Variants in RCC2 observed in about 807,000 individuals in gnomAD.
RCC2 encodes the protein regulator of chromosome condensation 2, also known as protein RCC2.
In RCC2, 19 loss-of-function variants were observed where a neutral mutation model predicts 64.1. The observed-to-expected ratio is 0.30, with a 90% CI of 0.21 to 0.44. RCC2 has a LOEUF of 0.44. Among genes scored for constraint, RCC2 ranks in the 20% least tolerant of loss-of-function variants. The pLI, the probability that RCC2 is intolerant of heterozygous loss-of-function variation, is 1.00. For missense variants in RCC2, 508 were observed against 710.4 expected (o/e 0.72, Z 3.24); for synonymous variants, 325 against 279.6 (o/e 1.16, Z -1.62).
chr1:17,411,428 T>G (rs1423713925), intron 11 of RCC2, among the ~76,000 whole-genome samples: 2 of 151,994 alleles, frequency 1.3e-5, no homozygotes, highest in Non-Finnish European at 2.9e-5. Flanking sequence ...ATACAAAAAT[T>G]AGCTGGGCGT....
At chr1:17,411,070 C>CA (rs1247251897) in intron 11 of RCC2, among the ~76,000 whole-genome samples, 2 of 152,082 alleles carry the variant, frequency 1.3e-5, no homozygotes, top group African/African-American at 4.8e-5. Flanking sequence ...CTCAAGGGAC[C>CA]AAGGAACGCC....
At chr1:17,433,487 G>T (rs1203310652) in intron 2 of RCC2, among the ~76,000 whole-genome samples, 1 of 152,230 alleles carries the variant, frequency 6.6e-6, no homozygotes, top group Non-Finnish European at 1.5e-5. Context: ...CTCCCAGGCG[G>T]AATCCAGCCT....
intron 3 of RCC2, among the ~76,000 whole-genome samples, chr1:17,428,567 C>T (rs977701845): frequency 5.9e-5 from 9 of 152,214 alleles, no homozygotes; most frequent in African/African-American, 2.2e-4. Context: ...CCTGGATGGG[C>T]CTTTTCCCTT....
rs1017801050 is a variant in RCC2, at chr1:17,407,499, C to A, written c.*1591G>T. 1 of 152,452 alleles carries A rather than the reference C, an allele frequency of 6.6e-6. No homozygotes were observed. Among genetic ancestry groups the A allele is most frequent in the Non-Finnish European group, 1.5e-5 (1 of 68,058 alleles). 9.4% of individuals were successfully genotyped at this position (152,452 alleles called of 1,614,324 possible). The stretch of plus-strand genomic sequence containing the variant: ...CTGATTGAACACAGAACAAGAGATG[C>A]GCGTGGCGTCAGACTAAGTCTTAGA... On this transcript the variant is annotated 3_prime_UTR_variant, in exon 13 of 13. Coordinates refer to ENST00000375436, the MANE Select transcript of RCC2 (RefSeq NM_018715.4).
intron 12 of RCC2, 42 bp from the exon 13 acceptor site, chr1:17,409,236 G>T: frequency 7.8e-7 from 1 of 1,276,878 alleles, no homozygotes; most frequent in Non-Finnish European, 1.1e-6. Flanking sequence ...GAGGCGCCTG[G>T]ACTAATCAAT....
In RCC2 at chr1:17,408,688, G is replaced by A. The variant is rs553789867; in HGVS notation, c.*402C>T. On this transcript the variant is annotated 3_prime_UTR_variant, in exon 13 of 13. Transcript: ENST00000375436. The stretch of plus-strand genomic sequence containing the variant: ...GGGACATTTTTTCTGAGTAAATGGC[G>A]ATTCCTCTTCCATGTGGCATCTGCT... 3 of 168,512 alleles carry A rather than the reference G, an allele frequency of 1.8e-5. No individual in the cohort carries two copies. In the East Asian group the frequency reaches 5.0e-4, roughly 28 times the overall value. The allele number at this position is 168,512 out of a possible 1,614,324, so 10.4% of individuals were successfully genotyped here.
intron 11 of RCC2, among the ~76,000 whole-genome samples, chr1:17,411,201 T>TC (rs2075420815): frequency 1.3e-5 from 2 of 151,684 alleles, no homozygotes; most frequent in Admixed American, 6.6e-5. Context: ...CACCAAGAGT[T>TC]AAGCGGAGAA....
chr1:17,420,027 G>A (rs1466096746), intron 7 of RCC2, among the ~76,000 whole-genome samples: 2 of 152,216 alleles, frequency 1.3e-5, no homozygotes, highest in African/African-American at 2.4e-5. Context: ...GCGGCCAGCA[G>A]AGGGCGCCCG....
At chr1:17,413,506 A>G in intron 9 of RCC2, 31 bp downstream of exon 9, 4 of 1,609,772 alleles carry the variant, frequency 2.5e-6, no homozygotes, top group Non-Finnish European at 3.4e-6. Context: ...GCACCAGAGC[A>G]CTGATAAGCC....
intron 6 of RCC2, 86 bp downstream of exon 6, chr1:17,422,117 C>A: frequency 1.1e-6 from 1 of 946,492 alleles, no homozygotes. Flanking sequence ...GGTAAATTAA[C>A]TCAAACGGAG....
At position 17,425,554 on chromosome 1, in the gene RCC2, C is replaced by T; in HGVS notation, c.510G>A (p.Lys170=). 1 of 1,612,274 alleles carries T rather than the reference C, an allele frequency of 6.2e-7. No homozygotes were observed. The highest frequency in any genetic ancestry group is 8.5e-7 in the Non-Finnish European group (1 of 1,179,006). Residue 170 remains lysine, a synonymous_variant, in exon 4 of 13, where the codon AAG becomes AAA. Coordinates refer to ENST00000375436, the MANE Select transcript of RCC2 (RefSeq NM_018715.4). ...CACGGTACTCACCCCAGCTCCACAG[C>T]TTCCCTTCCGTGGTGATGAGGAGGC... The part of the protein sequence containing the change: ...AHSLLITTEG[K]LWSWGRNEKG...
intron 4 of RCC2, among the ~76,000 whole-genome samples, chr1:17,423,477 C>T (rs1448890330): frequency 6.6e-6 from 1 of 152,246 alleles, no homozygotes; most frequent in African/African-American, 2.4e-5. Context: ...TCCAGGACTG[C>T]TGCAGGTGCG....
Position 17,408,606 on chromosome 1 carries a change from G to A in RCC2, c.*484C>T, listed in dbSNP as rs2075390751. ...ACCCGGATGCTTCCGAAGCACGCGA[G>A]CGTGATTTTGGATGGAGGCGGGCCG... On this transcript the variant is annotated 3_prime_UTR_variant, in exon 13 of 13. Transcript: ENST00000375436. 1 of 160,442 alleles carries A rather than the reference G, an allele frequency of 6.2e-6. No individual in the cohort carries two copies. Among genetic ancestry groups the A allele is most frequent in the Non-Finnish European group, 1.4e-5 (1 of 73,410 alleles). The allele number at this position is 160,442 out of a possible 1,614,324, so 9.9% of individuals were successfully genotyped here. A position where few individuals can be genotyped will look rare whatever the true frequency, so the allele number is the denominator to read the frequency against.
intron 10 of RCC2, among the ~76,000 whole-genome samples, chr1:17,412,640 T>A (rs1338204597): frequency 6.6e-6 from 1 of 152,098 alleles, no homozygotes; most frequent in African/African-American, 2.4e-5. Flanking sequence ...AGCTGATAAA[T>A]CCAACTCCTC....
intron 2 of RCC2, among the ~76,000 whole-genome samples, chr1:17,431,359 A>AAAATATATATATATATATAT (rs1553158471): frequency 2.2e-5 from 1 of 44,930 alleles, no homozygotes; most frequent in Non-Finnish European, 3.8e-5. Context: ...AAAAAAAAAA[A>AAAATATATATATATATATAT]ATATATATAT....
At chr1:17,413,019 G>T in intron 10 of RCC2, 54 bp downstream of exon 10, 1 of 1,360,594 alleles carries the variant, frequency 7.3e-7, no homozygotes, top group South Asian at 1.2e-5. Context: ...GGGTGTGTCT[G>T]ACACCCCCAT....
At chr1:17,410,559 G>A (rs922672563) in intron 11 of RCC2, among the ~76,000 whole-genome samples, 4 of 152,212 alleles carry the variant, frequency 2.6e-5, no homozygotes, top group Non-Finnish European at 4.4e-5. Flanking sequence ...CCTCCCAGAG[G>A]TAGAAGGAAC....
chr1:17,416,124 C>T lies in RCC2; in HGVS notation c.1026+356G>A, dbSNP rs369224877. Among the ~76,000 whole-genome samples, 8 of 150,114 alleles carry T rather than the reference C, an allele frequency of 5.3e-5. No individual in the cohort carries two copies. In the South Asian group the frequency reaches 6.4e-4, roughly 12 times the overall value. On this transcript the variant is annotated intron_variant, in intron 8 of 12. Transcript: ENST00000375436. ...CAACCTACTGATTAAAAACGACTCA[C>T]ATCCCCAGTATGGGGCACCATCTAC...
In RCC2 at chr1:17,421,982, G is replaced by A. The variant is rs191402668; in HGVS notation, c.744+221C>T. Among the ~76,000 whole-genome samples the A allele has an allele frequency of 8.0e-4, 121 of 152,128 alleles. 1 individual carries two copies. Among genetic ancestry groups the A allele is most frequent in the African/African-American group, 2.8e-3 (116 of 41,478 alleles). On this transcript the variant is annotated intron_variant, in intron 6 of 12. Coordinates refer to ENST00000375436, the MANE Select transcript of RCC2 (RefSeq NM_018715.4). ...GGAGGTTGCAGTGAGCCGAGATTGC[G>A]CCATTGCACTCCAGCCTGGGCAAAA... is the stretch of plus-strand genomic sequence containing the variant.
Sources: allele counts gnomAD v4.1 joint callset (sites outside exome capture counted in the v4.1 genomes callset), GRCh38; gene constraint gnomAD v4.1.1; transcripts MANE v1.5; gene names NCBI Gene and HGNC (gene_info 2026-07-23, HGNC 2026-07-21).